LRMDA: variants seen among roughly 807,000 people sequenced by gnomAD.
LRMDA encodes leucine-rich melanocyte differentiation-associated protein.
Under a neutral mutation model 29.8 loss-of-function variants are expected in LRMDA, and 18 were observed. The observed-to-expected ratio is 0.60, with a 90% CI of 0.42 to 0.90. The LOEUF (loss-of-function observed/expected upper bound fraction) is 0.90, where lower values mean the gene tolerates loss of function less well. Ranked by LOEUF, LRMDA falls within the 40% of genes least tolerant of loss-of-function variation. The pLI is 0.00. For missense variants in LRMDA, 273 were observed against 273.9 expected, an observed-to-expected ratio of 1.00 and a Z score of 0.02; for synonymous variants, 125 against 109.4, an observed-to-expected ratio of 1.14 and a Z score of -0.89.
At chr10:76,051,312 G>A (rs1397234097) in intron 4 of LRMDA, among the ~76,000 whole-genome samples, 5 of 152,230 alleles carry the variant, frequency 3.3e-5, no homozygotes, top group Admixed American at 2.0e-4. Context: ...AGTAATTGCC[G>A]GTTACTCTCT....
At chr10:76,029,083 G>A (rs1848109006) in intron 2 of LRMDA, among the ~76,000 whole-genome samples, 1 of 152,114 alleles carries the variant, frequency 6.6e-6, no homozygotes, top group South Asian at 2.1e-4. Context: ...CCAAAGTGCT[G>A]GGATTACAGG....
At position 75,639,603 on chromosome 10, in the gene LRMDA, G is replaced by A. The variant is rs888310666; in HGVS notation, c.131+201109G>A. 7.2e-5 allele frequency among the ~76,000 whole-genome samples: 11 copies of A among 152,286 alleles called. No individual in the cohort carries two copies. In the East Asian group the frequency reaches 9.6e-4, roughly 13 times the overall value. Reference sequence around the variant, plus strand: ...GGGAAGTTCTCTCATTCAGCCATGCGGCTTGGCGTGCAGTGCTCCTGAAGC... The same window carrying A: ...GGGAAGTTCTCTCATTCAGCCATGCAGCTTGGCGTGCAGTGCTCCTGAAGC... On this transcript the variant is annotated intron_variant, in intron 2 of 6. Coordinates refer to ENST00000611255, the MANE Select transcript of LRMDA (RefSeq NM_001305581.2).
intron 2 of LRMDA, among the ~76,000 whole-genome samples, chr10:76,018,455 C>T (rs557285628): frequency 5.9e-5 from 9 of 151,850 alleles, no homozygotes; most frequent in South Asian, 2.1e-4. Flanking sequence ...GCAGTGGTCT[C>T]GGGAAAATGC....
At chr10:75,909,337 A>G (rs1157842718) in intron 2 of LRMDA, among the ~76,000 whole-genome samples, 3 of 152,166 alleles carry the variant, frequency 2.0e-5, no homozygotes, top group East Asian at 1.9e-4. Context: ...AGTTCATACA[A>G]CAGAAAAAAT....
intron 5 of LRMDA, among the ~76,000 whole-genome samples, chr10:76,078,245 G>A (rs529500746): frequency 7.9e-5 from 12 of 151,516 alleles, no homozygotes; most frequent in East Asian, 4.0e-4. Context: ...TCCTGACCTC[G>A]TGATCTGCCC....
intron 2 of LRMDA, among the ~76,000 whole-genome samples, chr10:75,505,262 C>T (rs1845157783): frequency 6.6e-6 from 1 of 152,120 alleles, no homozygotes; most frequent in Non-Finnish European, 1.5e-5. Context: ...CTTCTAGAAT[C>T]CTTCTGTTTT....
chr10:76,132,816 G>T (rs555121355), intron 5 of LRMDA, among the ~76,000 whole-genome samples: 1 of 140,948 alleles, frequency 7.1e-6, no homozygotes, highest in African/African-American at 2.8e-5. Context: ...CTTTTTTGGC[G>T]GGGGGGGTCA....
intron 5 of LRMDA, among the ~76,000 whole-genome samples, chr10:76,063,023 A>G (rs1301297017): frequency 6.6e-6 from 1 of 152,196 alleles, no homozygotes; most frequent in Non-Finnish European, 1.5e-5. Context: ...TTATGTCCTG[A>G]CTTTGTAATT....
At chr10:75,727,679 G>A (rs1214649681) in intron 2 of LRMDA, among the ~76,000 whole-genome samples, 1 of 152,158 alleles carries the variant, frequency 6.6e-6, no homozygotes, top group Non-Finnish European at 1.5e-5. Context: ...TAACAAAGAA[G>A]ATGATAATCT....
chr10:75,682,559 C>T (rs1842036676), intron 2 of LRMDA, among the ~76,000 whole-genome samples: 1 of 152,026 alleles, frequency 6.6e-6, no homozygotes, highest in African/African-American at 2.4e-5. Flanking sequence ...AGTATATGTA[C>T]TTATACTATT....
intron 2 of LRMDA, among the ~76,000 whole-genome samples, chr10:75,734,847 T>A (rs1377212919): frequency 6.6e-6 from 1 of 152,196 alleles, no homozygotes; most frequent in Non-Finnish European, 1.5e-5. Context: ...CATTTTTGTT[T>A]TTAGTTATTT....
intron 5 of LRMDA, among the ~76,000 whole-genome samples, chr10:76,168,485 C>T (rs544156355): frequency 6.6e-6 from 1 of 152,314 alleles, no homozygotes; most frequent in South Asian, 2.1e-4. Context: ...CTGTTTTGAA[C>T]AACTTTGCTC....
At chr10:76,366,713 C>T (rs1398839964) in intron 6 of LRMDA, among the ~76,000 whole-genome samples, 1 of 152,152 alleles carries the variant, frequency 6.6e-6, no homozygotes, top group Admixed American at 6.6e-5. Context: ...GACAGTTTGA[C>T]TTCCTCTTTA....
rs1564576117 is a variant in LRMDA, at chr10:76,557,226, C to CG, written c.620dup (p.Tyr208LeufsTer17). Reference sequence around the variant, plus strand: ...ATTTGCAGGTGTCCTGGGGAAGTGTCGCTACGTTTACTATGGGAAAAACTC... The same window carrying CG: ...ATTTGCAGGTGTCCTGGGGAAGTGTCGGCTACGTTTACTATGGGAAAAACTC... On this transcript the variant is annotated frameshift_variant, in exon 7 of 7. Transcript: ENST00000611255. LOFTEE classifies it high-confidence loss of function. 2 of 1,613,984 alleles carry CG rather than the reference C, an allele frequency of 1.2e-6. No homozygotes were observed. The highest frequency in any genetic ancestry group is 1.7e-6 in the Non-Finnish European group (2 of 1,179,930).
At chr10:76,315,969 C>A (rs1840692278) in intron 5 of LRMDA, among the ~76,000 whole-genome samples, 1 of 152,194 alleles carries the variant, frequency 6.6e-6, no homozygotes, top group African/African-American at 2.4e-5. Flanking sequence ...GAGAGCTATT[C>A]TGTTGCTCAG....
At chr10:76,329,506 A>T (rs1840878448) in intron 6 of LRMDA, among the ~76,000 whole-genome samples, 1 of 152,232 alleles carries the variant, frequency 6.6e-6, no homozygotes, top group South Asian at 2.1e-4. Context: ...GCAAAAAGAA[A>T]AAAAATGAAG....
intron 2 of LRMDA, among the ~76,000 whole-genome samples, chr10:75,890,523 AG>A (rs1845468206): frequency 6.6e-6 from 1 of 152,150 alleles, no homozygotes; most frequent in Admixed American, 6.5e-5. Context: ...GGGTTCTCAG[AG>A]TTGGACAGAA....
chr10:76,390,177 C>T (rs1037359173), intron 6 of LRMDA, among the ~76,000 whole-genome samples: 5 of 152,116 alleles, frequency 3.3e-5, no homozygotes, highest in Non-Finnish European at 1.5e-5. Context: ...TGCTTGTTTG[C>T]TCGCTTTTAA....
rs554934588 is a variant in LRMDA, at chr10:75,919,230, T to G, written c.132-116778T>G. On this transcript the variant is annotated intron_variant, in intron 2 of 6. Coordinates refer to ENST00000611255, the MANE Select transcript of LRMDA (RefSeq NM_001305581.2). ...GGCTCTGAAATTTCTCTCTATGGCC[T>G]GTATGATGCTAATCATGGGCAGCTC... Among the ~76,000 whole-genome samples, 23 of 152,316 alleles carry G rather than the reference T, an allele frequency of 1.5e-4. 1 individual carries two copies. The East Asian group carries it at 4.4e-3, about 29-fold the overall frequency.
Sources: allele counts gnomAD v4.1 joint callset (sites outside exome capture counted in the v4.1 genomes callset), GRCh38; gene constraint gnomAD v4.1.1; transcripts MANE v1.5; gene names NCBI Gene and HGNC (gene_info 2026-07-23, HGNC 2026-07-21).